The following KDM4C variants were observed in gnomAD, a reference collection of about 807,000 sequenced individuals.
KDM4C encodes lysine-specific demethylase 4C.
Under a neutral mutation model 129.3 loss-of-function variants are expected in KDM4C, and 81 were observed. That is an observed-to-expected ratio of 0.63 (90% CI 0.52 to 0.75). The LOEUF is 0.75. KDM4C is among the 30% of genes least tolerant of loss of function. KDM4C has a pLI of 0.00. For missense variants in KDM4C, 1,457 were observed against 1,304.0 expected, an observed-to-expected ratio of 1.12 and a Z score of -1.81; for synonymous variants, 573 against 456.1, an observed-to-expected ratio of 1.26 and a Z score of -3.26.
chr9:6,758,317 C>T lies in KDM4C; in HGVS notation c.-18+114C>T. 1 of 580,990 alleles carries T rather than the reference C, an allele frequency of 1.7e-6. No homozygotes were observed. Among genetic ancestry groups the T allele is most frequent in the Non-Finnish European group, 2.2e-6 (1 of 460,430 alleles). The allele number at this position is 580,990 out of a possible 1,614,324, so 36.0% of individuals were successfully genotyped here. A position where few individuals can be genotyped will look rare whatever the true frequency, so the allele number is the denominator to read the frequency against. On this transcript the variant is annotated intron_variant, in intron 1 of 21. Transcript: ENST00000381309. This position sits in a 1 kb window ranked among gnomAD's most constrained non-coding sequence, Gnocchi z 4.6. ...GGGGTGCGGGCGTCCGGGCGAGCGGCGACGCTGGGGCAGAGACGCTCCGTC... is the reference window on the plus strand; with the variant it reads ...GGGGTGCGGGCGTCCGGGCGAGCGGTGACGCTGGGGCAGAGACGCTCCGTC...
intron 17 of KDM4C, among the ~76,000 whole-genome samples, chr9:7,076,164 C>A (rs4742305): frequency 0.79 from 120,629 of 152,060 alleles, 48,262 homozygotes; most frequent in African/African-American, 0.89. Context: ...CTGTAATAAA[C>A]CAACAGCAAG....
chr9:7,015,207 A>T (rs1471641298), intron 14 of KDM4C, among the ~76,000 whole-genome samples: 3 of 152,130 alleles, frequency 2.0e-5, no homozygotes, highest in Non-Finnish European at 2.9e-5. Flanking sequence ...TAACCCTCTT[A>T]TACGGAGGGG....
At chr9:6,807,903 C>T (rs1264819472) in intron 3 of KDM4C, among the ~76,000 whole-genome samples, 20 of 139,526 alleles carry the variant, frequency 1.4e-4, no homozygotes, top group Non-Finnish European at 4.7e-5. Flanking sequence ...GGGGTGTCAG[C>T]CCCCAGCCCG....
At chr9:7,042,723 A>G (rs1277407502) in intron 15 of KDM4C, among the ~76,000 whole-genome samples, 1 of 152,038 alleles carries the variant, frequency 6.6e-6, no homozygotes, top group Non-Finnish European at 1.5e-5. Flanking sequence ...TTTGCACTCT[A>G]CTTTGATACC....
In KDM4C at chr9:6,734,405, C is replaced by T. The variant is rs190341040; in HGVS notation, c.49+13408C>T. On this transcript the variant is annotated intron_variant, in intron 1 of 17. Coordinates refer to the KDM4C transcript ENST00000536108. ...TGCCTCCCGGGTTCAAGTGATTCTC[C>T]TGCCTCAGCCTCCCGAGTAGCTGGG... 1.0e-3 allele frequency among the ~76,000 whole-genome samples: 155 copies of T among 151,296 alleles called. 2 individuals carry two copies. In the East Asian group the frequency reaches 0.014, roughly 14 times the overall value.
chr9:6,844,149 GCT>G (rs143896498), intron 4 of KDM4C, among the ~76,000 whole-genome samples: 65 of 152,144 alleles, frequency 4.3e-4, no homozygotes, highest in African/African-American at 1.5e-3. Context: ...TTTTAAAAAA[GCT>G]TTTTCTCTGT....
At chr9:6,907,077 T>C (rs1180200449) in intron 8 of KDM4C, among the ~76,000 whole-genome samples, 3 of 152,168 alleles carry the variant, frequency 2.0e-5, no homozygotes, top group African/African-American at 4.8e-5. Context: ...CATTAAAGGA[T>C]TGACTCAATA....
intron 5 of KDM4C, among the ~76,000 whole-genome samples, chr9:6,867,630 T>A (rs1454798115): frequency 6.6e-6 from 1 of 152,244 alleles, no homozygotes; most frequent in Non-Finnish European, 1.5e-5. Flanking sequence ...TAATGCTTGA[T>A]GCTGTTACAA....
chr9:6,726,177 G>A (rs777339838), intron 1 of KDM4C, among the ~76,000 whole-genome samples: 1 of 152,124 alleles, frequency 6.6e-6, no homozygotes, highest in South Asian at 2.1e-4. Flanking sequence ...GCCTGCCTCA[G>A]CCTCCCAAAG....
At chr9:6,792,786 A>C (rs1395820139) in intron 1 of KDM4C, among the ~76,000 whole-genome samples, 186 bp from the exon 2 acceptor site, 1 of 152,158 alleles carries the variant, frequency 6.6e-6, no homozygotes, top group African/African-American at 2.4e-5. Flanking sequence ...AAGAGGAATG[A>C]CTAGAGGCCC....
intron 8 of KDM4C, among the ~76,000 whole-genome samples, chr9:6,939,006 A>T (rs922321597): frequency 6.6e-6 from 1 of 151,854 alleles, no homozygotes; most frequent in African/African-American, 2.4e-5. Context: ...GATGTTAAAG[A>T]TTGTAAACAT....
chr9:6,757,775 C>A, upstream of KDM4C: 7 of 985,592 alleles, frequency 7.1e-6, no homozygotes, highest in Non-Finnish European at 8.4e-6. Flanking sequence ...GAGTATCTTT[C>A]CCCTCCGGAA....
chr9:7,129,512 C>T (rs1309962388), intron 19 of KDM4C, among the ~76,000 whole-genome samples: 1 of 152,174 alleles, frequency 6.6e-6, no homozygotes, highest in Non-Finnish European at 1.5e-5. Context: ...GACATACTCC[C>T]CTTGTTAGAA....
intron 3 of KDM4C, among the ~76,000 whole-genome samples, chr9:6,807,814 C>T (rs1220755465): frequency 1.4e-5 from 2 of 147,650 alleles, no homozygotes; most frequent in African/African-American, 2.5e-5. Context: ...GCCCCCCGCC[C>T]GGCCAGCCGC....
chr9:7,025,277 G>T (rs779764500), intron 15 of KDM4C, among the ~76,000 whole-genome samples: 3 of 152,022 alleles, frequency 2.0e-5, no homozygotes, highest in Non-Finnish European at 4.4e-5. Context: ...GTTTCTTGTA[G>T]ACAACAGATA....
intron 15 of KDM4C, among the ~76,000 whole-genome samples, chr9:7,031,061 C>T (rs1431048377): frequency 2.0e-5 from 3 of 151,998 alleles, no homozygotes; most frequent in Non-Finnish European, 2.9e-5. Flanking sequence ...TTTAAGAAAT[C>T]AAAACCCAAA....
chr9:7,122,251 A>T, intron 18 of KDM4C, among the ~76,000 whole-genome samples: 1 of 124,658 alleles, frequency 8.0e-6, no homozygotes, highest in Admixed American at 9.8e-5. Flanking sequence ...ACACACACAC[A>T]CACACACACA....
chr9:6,829,910 T>C (rs1834527293), intron 4 of KDM4C, among the ~76,000 whole-genome samples: 1 of 152,226 alleles, frequency 6.6e-6, no homozygotes, highest in South Asian at 2.1e-4. Context: ...TATTATAATT[T>C]TGTAAGATAT....
chr9:6,833,885 C>T (rs994803844), intron 4 of KDM4C, among the ~76,000 whole-genome samples: 1 of 152,172 alleles, frequency 6.6e-6, no homozygotes, highest in Non-Finnish European at 1.5e-5. Flanking sequence ...TTTTTGACAT[C>T]TGTCAGAGCC....
Sources: gnomAD v4.1 joint callset for allele counts (sites outside exome capture counted in the v4.1 genomes callset) on GRCh38, gnomAD v4.1.1 for gene constraint, Gnocchi (gnomAD v3.1) non-coding constraint, MANE v1.5 for transcripts, NCBI Gene and HGNC (gene_info 2026-07-23, HGNC 2026-07-21) for gene names.